The following AZI2 variants were observed in gnomAD, a reference collection of about 807,000 sequenced individuals.
AZI2 encodes 5-azacytidine-induced protein 2.
AZI2 carries 22 observed loss-of-function variants against 45.8 expected under a neutral mutation model. That is an observed-to-expected ratio of 0.48 (90% confidence interval 0.34 to 0.69). The LOEUF is 0.69. Among genes scored for constraint, AZI2 ranks in the 30% least tolerant of loss-of-function variants. The pLI is 0.01. For missense variants in AZI2, 417 were observed against 441.5 expected (o/e 0.94, Z 0.50); for synonymous variants, 137 against 156.7 (o/e 0.87, Z 0.94).
Position 28,322,487 on chromosome 3 carries a change from C to T in AZI2, c.*1555G>A, listed in dbSNP as rs373174926. 8 of 151,712 alleles carry T rather than the reference C, an allele frequency of 5.3e-5. No individual in the cohort carries two copies. The East Asian group carries it at 1.2e-3, about 22-fold the overall frequency. The allele number at this position is 151,712 out of a possible 1,614,324, so 9.4% of individuals were successfully genotyped here. A position where few individuals can be genotyped will look rare whatever the true frequency, so the allele number is the denominator to read the frequency against. On this transcript the variant is annotated 3_prime_UTR_variant, in exon 8 of 8. Coordinates refer to ENST00000479665, the MANE Select transcript of AZI2 (RefSeq NM_022461.5). ...TTTCCAATTTTGGTTTTAAAAAAGGCAAACCAGTAAGCTACATTAGAGATC... is the reference window on the plus strand; with the variant it reads ...TTTCCAATTTTGGTTTTAAAAAAGGTAAACCAGTAAGCTACATTAGAGATC...
intron 2 of AZI2, among the ~76,000 whole-genome samples, chr3:28,339,423 C>T (rs1703924808): frequency 6.6e-6 from 1 of 152,148 alleles, no homozygotes; most frequent in African/African-American, 2.4e-5. Flanking sequence ...CATTTTTCTA[C>T]TAAACTTTAA....
In AZI2 at chr3:28,326,954, A is replaced by C. The variant is rs1370842161; in HGVS notation, c.648-4T>G. 1 of 1,593,236 alleles carries C rather than the reference A, an allele frequency of 6.3e-7. No individual in the cohort carries two copies. The highest frequency in any genetic ancestry group is 8.6e-7 in the Non-Finnish European group (1 of 1,165,318). ...GTATGCATGCTGCATATTATCACTG[A>C]AATAAATTTTTTTACAAAAAGTTAA... is the stretch of plus-strand genomic sequence containing the variant. On this transcript the variant is annotated splice_polypyrimidine_tract_variant and splice_region_variant and intron_variant, in intron 6 of 7. Coordinates refer to ENST00000479665, the MANE Select transcript of AZI2 (RefSeq NM_022461.5).
chr3:28,328,583 A>C (rs1048375621), intron 6 of AZI2, among the ~76,000 whole-genome samples: 2 of 151,168 alleles, frequency 1.3e-5, no homozygotes, highest in African/African-American at 4.8e-5. Context: ...TGCCTAATAA[A>C]AACTTTTCAG....
chr3:28,331,873 T>C (rs1025313671), intron 6 of AZI2: 9 of 1,548,084 alleles, frequency 5.8e-6, no homozygotes, highest in East Asian at 2.4e-5. Flanking sequence ...TCTATTCTTA[T>C]GCGAAGAGGG....
chr3:28,334,076 G>A (rs1703697293), intron 5 of AZI2, among the ~76,000 whole-genome samples: 1 of 151,270 alleles, frequency 6.6e-6, no homozygotes, highest in African/African-American at 2.4e-5. Flanking sequence ...GCCCATAGTG[G>A]AACTGCCCCT....
rs776979223 is a variant in AZI2, at chr3:28,332,943, T to C, written c.589-516A>G. Among the ~76,000 whole-genome samples the C allele has an allele frequency of 3.0e-4, 46 of 151,804 alleles. 1 individual carries two copies. The highest frequency in any genetic ancestry group is 2.4e-3 in the Admixed American group (36 of 15,162). On this transcript the variant is annotated intron_variant, in intron 5 of 7. Transcript: ENST00000479665. ...GATTAAAAATGACCTGGCAAGGACA[T>C]CATAAAGTCCTTATATGCTTTTAAA...
chr3:28,347,035 G>C (rs1369653774), intron 1 of AZI2, among the ~76,000 whole-genome samples: 1 of 152,160 alleles, frequency 6.6e-6, no homozygotes, highest in Admixed American at 6.5e-5. Context: ...GGTATGAAGA[G>C]CAGTCTACTT....
chr3:28,343,712 A>G (rs1670491356), intron 1 of AZI2, among the ~76,000 whole-genome samples: 1 of 152,044 alleles, frequency 6.6e-6, no homozygotes, highest in Non-Finnish European at 1.5e-5. Flanking sequence ...GGATCACTTA[A>G]TTAGTATGAA....
At position 28,336,777 on chromosome 3, in the gene AZI2, C is replaced by T. The variant is rs933802343; in HGVS notation, c.548G>A (p.Cys183Tyr). ...EQELELMRKE[C>Y]SDLKIELQKA... is the part of the protein sequence containing the mutation. ...CTGTAGTTCTATTTTGAGATCGCTA[C>T]ATTCTTTCCTCATCAGTTCCAGCTC... Residue 183 changes from cysteine to tyrosine, a missense_variant, in exon 5 of 8, where the codon TGT (cysteine) becomes TAT (tyrosine). Cys to Tyr is a radical substitution (Grantham distance 194, BLOSUM62 -2). Transcript: ENST00000479665. The T allele has an allele frequency of 4.3e-6, 7 of 1,613,340 alleles. No homozygotes were observed. The highest frequency in any genetic ancestry group is 2.7e-5 in the African/African-American group (2 of 75,008).
chr3:28,324,666 T>C (rs1205367436), intron 7 of AZI2: 3 of 402,202 alleles, frequency 7.5e-6, no homozygotes, highest in Non-Finnish European at 1.3e-5. Context: ...TAGATATTTG[T>C]CTCTTAGCTG....
chr3:28,329,888 G>A lies in AZI2; in HGVS notation c.647+2481C>T, dbSNP rs114011806. On this transcript the variant is annotated intron_variant, in intron 6 of 7. Coordinates refer to ENST00000479665, the MANE Select transcript of AZI2 (RefSeq NM_022461.5). ...CATACTTACCCTTATTGTGTGTAAT[G>A]CACTCTGGTATTGGTGTGTTCTTTC... 7.7e-3 allele frequency among the ~76,000 whole-genome samples: 1,159 copies of A among 151,312 alleles called. 15 individuals carry two copies. The highest frequency in any genetic ancestry group is 0.026 in the African/African-American group (1,070 of 41,402).
chr3:28,347,235 G>A (rs1291958851), intron 1 of AZI2, among the ~76,000 whole-genome samples: 1 of 152,122 alleles, frequency 6.6e-6, no homozygotes, highest in Middle Eastern at 3.2e-3. Context: ...AAAAACTTCA[G>A]CATTTTACTT....
At chr3:28,328,905 G>A (rs796275135) in intron 6 of AZI2, among the ~76,000 whole-genome samples, 4 of 151,288 alleles carry the variant, frequency 2.6e-5, no homozygotes, top group African/African-American at 9.7e-5. Context: ...GAAAAGGCAA[G>A]TTGTCATCCC....
chr3:28,328,874 A>G (rs1386248045), intron 6 of AZI2, among the ~76,000 whole-genome samples: 1 of 151,244 alleles, frequency 6.6e-6, no homozygotes, highest in East Asian at 1.9e-4. Flanking sequence ...AAATGTTTAA[A>G]CCATTATTTA....
chr3:28,331,274 G>GA (rs1703559850), intron 6 of AZI2, among the ~76,000 whole-genome samples: 1 of 151,174 alleles, frequency 6.6e-6, no homozygotes, highest in African/African-American at 2.4e-5. Flanking sequence ...GGACAATACA[G>GA]AAAAATAAGG....
chr3:28,330,623 A>G (rs1429065985), intron 6 of AZI2, among the ~76,000 whole-genome samples: 1 of 151,350 alleles, frequency 6.6e-6, no homozygotes, highest in African/African-American at 2.4e-5. Context: ...ATAAAAATGC[A>G]TGATAAAAGT....
At chr3:28,330,712 G>C (rs139444442) in intron 6 of AZI2, among the ~76,000 whole-genome samples, 206 of 151,376 alleles carry the variant, frequency 1.4e-3, no homozygotes, top group African/African-American at 4.5e-3. Flanking sequence ...CAGTTTTGCA[G>C]TTCACATTGT....
Position 28,322,091 on chromosome 3 carries a change from T to G in AZI2, c.*1951A>C, listed in dbSNP as rs535013549. The stretch of plus-strand genomic sequence containing the variant: ...GATATCAAGTGTAGATTTAAAAGCT[T>G]CTAGCTGGGTAAAAAATTTTTGGCT... On this transcript the variant is annotated 3_prime_UTR_variant, in exon 8 of 8. Coordinates refer to ENST00000479665, the MANE Select transcript of AZI2 (RefSeq NM_022461.5). The G allele has an allele frequency of 6.6e-6, 1 of 151,198 alleles. No homozygotes were observed. Among genetic ancestry groups the G allele is most frequent in the Admixed American group, 6.6e-5 (1 of 15,122 alleles). 9.4% of individuals were successfully genotyped at this position (151,198 alleles called of 1,614,324 possible).
Position 28,346,527 on chromosome 3 carries a change from T to G in AZI2, c.-6+2074A>C, listed in dbSNP as rs148991273. On this transcript the variant is annotated intron_variant, in intron 1 of 7. Coordinates refer to ENST00000479665, the MANE Select transcript of AZI2 (RefSeq NM_022461.5). Reference sequence around the variant, plus strand: ...GAAATTGAGGCTCAAAGAGGTGAGGTAAATTCACCTCACCACAGCAGTATG... The same window carrying G: ...GAAATTGAGGCTCAAAGAGGTGAGGGAAATTCACCTCACCACAGCAGTATG... Among the ~76,000 whole-genome samples the G allele has an allele frequency of 1.5e-3, 232 of 152,146 alleles. 1 individual carries two copies. Among genetic ancestry groups the G allele is most frequent in the African/African-American group, 5.2e-3 (215 of 41,550 alleles).
Sources: allele counts gnomAD v4.1 joint callset (sites outside exome capture counted in the v4.1 genomes callset), GRCh38; gene constraint gnomAD v4.1.1; transcripts MANE v1.5; gene names NCBI Gene and HGNC (gene_info 2026-07-23, HGNC 2026-07-21).